WDPCP: variants seen among roughly 807,000 people sequenced by gnomAD.
The protein encoded by WDPCP is WD repeat containing planar cell polarity effector, also known as WD repeat-containing and planar cell polarity effector protein fritz homolog.
A neutral mutation model predicts 93.1 loss-of-function variants in WDPCP; 71 were observed. The ratio of observed to expected loss-of-function variants is 0.76; its 90% CI spans 0.63 to 0.93. The LOEUF (loss-of-function observed/expected upper bound fraction) is 0.93. Among genes scored for constraint, WDPCP ranks in the 40% least tolerant of loss-of-function variants. The pLI, the probability that WDPCP is intolerant of heterozygous loss-of-function variation, is 0.00. For synonymous variants in WDPCP, 315 were observed against 315.0 expected, an observed-to-expected ratio of 1.00 and a Z score of 0.00; for missense variants, 844 against 887.4, an observed-to-expected ratio of 0.95 and a Z score of 0.62.
At chr2:63,341,717 G>A (rs951083593) in intron 12 of WDPCP, among the ~76,000 whole-genome samples, 1 of 152,090 alleles carries the variant, frequency 6.6e-6, no homozygotes, top group African/African-American at 2.4e-5. Context: ...GGTCTCTGCT[G>A]TTTGGTGCAC....
At chr2:63,660,646 A>T (rs1710216286) in intron 2 of WDPCP, among the ~76,000 whole-genome samples, 1 of 152,210 alleles carries the variant, frequency 6.6e-6, no homozygotes, top group Admixed American at 6.5e-5. Flanking sequence ...ATATAAAAAA[A>T]CTACAGCTCC....
chr2:63,747,418 C>G (rs571551350), intron 2 of WDPCP, among the ~76,000 whole-genome samples: 1 of 151,950 alleles, frequency 6.6e-6, no homozygotes, highest in Non-Finnish European at 1.5e-5. Context: ...TTGGTTTTGC[C>G]TTTTACTTTT....
chr2:63,388,916 G>A (rs1331167024), intron 10 of WDPCP, among the ~76,000 whole-genome samples: 1 of 152,090 alleles, frequency 6.6e-6, no homozygotes, highest in African/African-American at 2.4e-5. Flanking sequence ...ACCAAATCTA[G>A]GTTTGATAGG....
At chr2:63,684,682 G>A (rs2054120) in intron 2 of WDPCP, 131,569 of 670,870 alleles carry the variant, frequency 0.2, 15,216 homozygotes, top group Non-Finnish European at 0.23. Flanking sequence ...AGATAGGCAA[G>A]AACAAGTGGT....
In WDPCP at chr2:63,698,859, G is replaced by A. The variant is rs140849423; in HGVS notation, n.309-48021C>T. 1.2e-4 allele frequency among the ~76,000 whole-genome samples: 19 copies of A among 152,256 alleles called. No individual in the cohort carries two copies. In the Middle Eastern group the frequency reaches 0.01, roughly 82 times the overall value. ...CTGTTGCAGACAATGACATGGACAT[G>A]TAGCCATCTTTTCCCAGACTACACC... is the stretch of plus-strand genomic sequence containing the variant. On this transcript the variant is annotated intron_variant and non_coding_transcript_variant, in intron 2 of 4. Coordinates refer to the WDPCP transcript ENST00000467687.
chr2:63,483,206 GC>G (rs1177781837), intron 6 of WDPCP, among the ~76,000 whole-genome samples: 1 of 151,894 alleles, frequency 6.6e-6, no homozygotes, highest in Non-Finnish European at 1.5e-5. Flanking sequence ...TGGCAGGCTG[GC>G]CCTCTGGTCA....
chr2:63,804,446 T>C (rs1670735006), intron 2 of WDPCP, among the ~76,000 whole-genome samples: 1 of 151,576 alleles, frequency 6.6e-6, no homozygotes, highest in Admixed American at 6.6e-5. Flanking sequence ...TAGTAGAGAC[T>C]GGGTTTCACC....
intron 3 of WDPCP, among the ~76,000 whole-genome samples, chr2:63,603,918 A>G (rs1709478588): frequency 1.3e-5 from 2 of 152,234 alleles, no homozygotes; most frequent in South Asian, 4.1e-4. Context: ...TGGCCTCCCA[A>G]AGTGCTGGGA....
At chr2:63,839,623 G>A in the WDPCP span, among the ~76,000 whole-genome samples, 1 of 152,212 alleles carries the variant, frequency 6.6e-6, no homozygotes, top group Non-Finnish European at 1.5e-5. Context: ...ATCTTTTGCA[G>A]GCTAAGTAAC....
At chr2:63,385,987 T>C (rs1429411238) in intron 10 of WDPCP, among the ~76,000 whole-genome samples, 1 of 151,996 alleles carries the variant, frequency 6.6e-6, no homozygotes, top group Non-Finnish European at 1.5e-5. Flanking sequence ...AGAATACTCT[T>C]TCTGACAATT....
chr2:63,612,465 G>T (rs975110330), intron 3 of WDPCP, among the ~76,000 whole-genome samples: 62 of 152,120 alleles, frequency 4.1e-4, no homozygotes, highest in Admixed American at 1.3e-4. Context: ...CGCCTCCCTT[G>T]TCTGACTAAA....
At chr2:63,160,364 A>G (rs1164925265) in intron 15 of WDPCP, among the ~76,000 whole-genome samples, 1 of 152,256 alleles carries the variant, frequency 6.6e-6, no homozygotes, top group Non-Finnish European at 1.5e-5. Context: ...TTTATATTAC[A>G]AAAATGAAAT....
At chr2:63,566,607 T>C (rs1215765857) in intron 1 of WDPCP, among the ~76,000 whole-genome samples, 1 of 152,188 alleles carries the variant, frequency 6.6e-6, no homozygotes, top group East Asian at 1.9e-4. Context: ...ATTTTCTGGG[T>C]TCACACTTCT....
chr2:63,384,741 TA>T (rs986177987), intron 10 of WDPCP, among the ~76,000 whole-genome samples: 48 of 143,628 alleles, frequency 3.3e-4, no homozygotes, highest in South Asian at 1.1e-3. Flanking sequence ...TAGTAATACG[TA>T]AAAAAAAAAA....
chr2:63,498,893 C>T (rs1200687523), intron 1 of WDPCP, among the ~76,000 whole-genome samples: 1 of 152,164 alleles, frequency 6.6e-6, no homozygotes, highest in East Asian at 1.9e-4. Flanking sequence ...CAGAAGACTG[C>T]AAAGAACCTA....
chr2:63,484,534 G>A, intron 6 of WDPCP, 70 bp downstream of exon 6: 1 of 1,575,986 alleles, frequency 6.3e-7, no homozygotes. Flanking sequence ...CATAACACAA[G>A]AATACCAATT....
intron 1 of WDPCP, among the ~76,000 whole-genome samples, chr2:63,826,954 A>G (rs989591710): frequency 2.0e-5 from 3 of 152,280 alleles, no homozygotes; most frequent in Admixed American, 1.3e-4. Flanking sequence ...TCCATTTGGT[A>G]TTTATTTGAC....
chr2:63,761,518 G>T (rs184342393), intron 2 of WDPCP, among the ~76,000 whole-genome samples: 11 of 152,028 alleles, frequency 7.2e-5, no homozygotes, highest in Non-Finnish European at 1.6e-4. Flanking sequence ...ATTAACTCAC[G>T]CAATCACAAT....
intron 1 of WDPCP, among the ~76,000 whole-genome samples, chr2:63,576,004 T>G (rs1708087383): frequency 6.6e-6 from 1 of 152,134 alleles, no homozygotes; most frequent in Admixed American, 6.5e-5. Context: ...TAATTTTATT[T>G]TTTCAATTAG....
Sources: gnomAD v4.1 joint callset for allele counts (sites outside exome capture counted in the v4.1 genomes callset) on GRCh38, gnomAD v4.1.1 for gene constraint, MANE v1.5 for transcripts, NCBI Gene and HGNC (gene_info 2026-07-23, HGNC 2026-07-21) for gene names.